The following NCKAP1 variants were observed in gnomAD, a reference collection of about 807,000 sequenced individuals.
The protein encoded by NCKAP1 is NCK associated protein 1, also known as nck-associated protein 1.
Under a neutral mutation model 151.2 loss-of-function variants are expected in NCKAP1, and 21 were observed. The ratio of observed to expected loss-of-function variants is 0.14; its 90% CI spans 0.10 to 0.20. The LOEUF (loss-of-function observed/expected upper bound fraction) is 0.20, where lower values mean the gene tolerates loss of function less well. Among genes scored for constraint, NCKAP1 ranks in the 10% least tolerant of loss-of-function variants. The pLI, the probability that NCKAP1 is intolerant of heterozygous loss-of-function variation, is 1.00. For synonymous variants in NCKAP1, 484 were observed against 451.8 expected (o/e 1.07, Z -0.90); for missense variants, 933 against 1,352.1 (o/e 0.69, Z 4.86).
At chr2:182,971,099 G>A (rs1174776251) in intron 15 of NCKAP1, among the ~76,000 whole-genome samples, 1 of 152,100 alleles carries the variant, frequency 6.6e-6, no homozygotes, top group Non-Finnish European at 1.5e-5. Flanking sequence ...GACACAAAGA[G>A]ATAAAAAGAT....
intron 16 of NCKAP1, among the ~76,000 whole-genome samples, chr2:182,966,242 T>C (rs760561160): frequency 5.3e-5 from 8 of 152,110 alleles, no homozygotes; most frequent in African/African-American, 1.2e-4. Flanking sequence ...TGATATTATA[T>C]AGCTTGAGGC....
chr2:182,943,872 CA>C (rs1009616236), intron 23 of NCKAP1, among the ~76,000 whole-genome samples: 1 of 152,098 alleles, frequency 6.6e-6, no homozygotes, highest in Non-Finnish European at 1.5e-5. Context: ...TGATATTCAA[CA>C]GTTAATTTGG....
At chr2:183,019,421 T>C (rs1698754482) in intron 2 of NCKAP1, among the ~76,000 whole-genome samples, 1 of 152,208 alleles carries the variant, frequency 6.6e-6, no homozygotes, top group Non-Finnish European at 1.5e-5. Context: ...TTTGCTTACA[T>C]TGCCTTTTAG....
At chr2:182,936,546 T>C (rs1416157664) in intron 24 of NCKAP1, among the ~76,000 whole-genome samples, 1 of 152,162 alleles carries the variant, frequency 6.6e-6, no homozygotes, top group African/African-American at 2.4e-5. Flanking sequence ...GAAAGAGATG[T>C]ATATACTACA....
In NCKAP1 at chr2:182,931,233, GTT is replaced by G. The variant is rs906237963; in HGVS notation, c.2860-447_2860-446del. 6.6e-5 allele frequency among the ~76,000 whole-genome samples: 10 copies of G among 152,010 alleles called. No individual in the cohort carries two copies. The East Asian group carries it at 1.9e-3, about 29-fold the overall frequency. On this transcript the variant is annotated intron_variant, in intron 26 of 30. Coordinates refer to ENST00000361354, the MANE Select transcript of NCKAP1 (RefSeq NM_013436.5). ...TAAATATAGCAAATTACTTATAATA[GTT>G]TTTTTAAGGAGTATTCATTTAAAAA...
chr2:182,932,309 T>C (rs1220596828), intron 26 of NCKAP1, among the ~76,000 whole-genome samples: 2 of 152,226 alleles, frequency 1.3e-5, no homozygotes, highest in East Asian at 1.9e-4. Flanking sequence ...AGTACTGATA[T>C]ATGCTGTAAT....
At chr2:182,969,958 T>C (rs896640865) in intron 15 of NCKAP1, among the ~76,000 whole-genome samples, 1 of 151,860 alleles carries the variant, frequency 6.6e-6, no homozygotes, top group African/African-American at 2.4e-5. Context: ...TTACAACTGA[T>C]ACCAAAAACT....
In NCKAP1 at chr2:182,998,738, G is replaced by T. The variant is rs141673238; in HGVS notation, c.604-2900C>A. Among the ~76,000 whole-genome samples, 473 of 150,878 alleles carry T rather than the reference G, an allele frequency of 3.1e-3. 3 individuals are homozygous for T. The highest frequency in any genetic ancestry group is 0.011 in the African/African-American group (451 of 41,054). On this transcript the variant is annotated intron_variant, in intron 6 of 30. Transcript: ENST00000361354. ...CCAGCTACTGAGGGGGCAAAGGCAG[G>T]AGAATTGCTTGAACCCAGGAGGTGG... is the stretch of plus-strand genomic sequence containing the variant.
At position 183,038,417 on chromosome 2, in the gene NCKAP1, T is replaced by TGGCGGCGGCGGC. The variant is rs879318735; in HGVS notation, c.-330_-319dup. 2.2e-4 allele frequency: 45 copies of TGGCGGCGGCGGC among 206,318 alleles called. No individual in the cohort carries two copies. Among genetic ancestry groups the TGGCGGCGGCGGC allele is most frequent in the African/African-American group, 3.1e-4 (13 of 42,552 alleles). The allele number at this position is 206,318 out of a possible 1,614,324, so 12.8% of individuals were successfully genotyped here. A position where few individuals can be genotyped will look rare whatever the true frequency, so the allele number is the denominator to read the frequency against. On this transcript the variant is annotated 5_prime_UTR_variant, in exon 1 of 31. Coordinates refer to ENST00000361354, the MANE Select transcript of NCKAP1 (RefSeq NM_013436.5). ...CCTTCCCCGGCTGCTCCACTAGGTG[T>TGGCGGCGGCGGC]GGCGGCGGCGGCGGCGGCGGCGGCG... is the stretch of plus-strand genomic sequence containing the variant.
intron 14 of NCKAP1, among the ~76,000 whole-genome samples, chr2:182,977,214 A>G (rs1697841777): frequency 6.6e-6 from 1 of 152,064 alleles, no homozygotes; most frequent in Admixed American, 6.6e-5. Flanking sequence ...GGAGGCCGGG[A>G]GCAGTGTCTC....
chr2:182,944,859 T>C (rs1424630337), intron 23 of NCKAP1, among the ~76,000 whole-genome samples: 1 of 152,164 alleles, frequency 6.6e-6, no homozygotes, highest in African/African-American at 2.4e-5. Flanking sequence ...CCTAGCACTT[T>C]GGGAGGCCAA....
intron 23 of NCKAP1, among the ~76,000 whole-genome samples, chr2:182,945,670 G>T (rs1697089242): frequency 6.6e-6 from 1 of 152,184 alleles, no homozygotes; most frequent in East Asian, 1.9e-4. Context: ...TGGTGAGGTT[G>T]CAGAGAAAAA....
rs559003622 is a variant in NCKAP1, at chr2:182,909,498, A to C, written c.*16204T>G. On this transcript the variant is annotated 3_prime_UTR_variant, in exon 31 of 31. Coordinates refer to ENST00000361354, the MANE Select transcript of NCKAP1 (RefSeq NM_013436.5). ...TTCACTCAGCATAATTAATGTCTTC[A>C]AGGTTCATTCATATTGTCTCATGTG... 3 of 152,288 alleles carry C rather than the reference A, an allele frequency of 2.0e-5. No homozygotes were observed. Among genetic ancestry groups the C allele is most frequent in the African/African-American group, 7.2e-5 (3 of 41,568 alleles). The allele number at this position is 152,288 out of a possible 1,614,324, so 9.4% of individuals were successfully genotyped here. A position where few individuals can be genotyped will look rare whatever the true frequency, so the allele number is the denominator to read the frequency against.
chr2:182,994,093 C>T (rs546187697), intron 8 of NCKAP1, among the ~76,000 whole-genome samples: 4 of 152,276 alleles, frequency 2.6e-5, no homozygotes, highest in African/African-American at 9.6e-5. Flanking sequence ...GTACTTTTAT[C>T]TCCTGTGCAT....
At chr2:182,975,239 A>G (rs902508160) in intron 15 of NCKAP1, among the ~76,000 whole-genome samples, 1 of 152,200 alleles carries the variant, frequency 6.6e-6, no homozygotes, top group African/African-American at 2.4e-5. Context: ...TTTATTTGTA[A>G]TAAGAAAATA....
chr2:182,935,247 A>T, intron 25 of NCKAP1, 46 bp downstream of exon 25: 1 of 1,254,972 alleles, frequency 8.0e-7, no homozygotes, highest in Non-Finnish European at 1.1e-6. Context: ...GAGAAATTAA[A>T]AGGGATTGTT....
At chr2:182,990,393 T>C (rs1311956343) in intron 8 of NCKAP1, among the ~76,000 whole-genome samples, 1 of 152,176 alleles carries the variant, frequency 6.6e-6, no homozygotes, top group African/African-American at 2.4e-5. Flanking sequence ...TAAAATACTA[T>C]TAAAGTAATA....
chr2:182,941,254 A>G (rs955623584), intron 24 of NCKAP1, among the ~76,000 whole-genome samples: 6 of 152,242 alleles, frequency 3.9e-5, no homozygotes, highest in East Asian at 1.9e-4. Context: ...CATTAGATCA[A>G]GTATATCTAA....
Position 182,919,072 on chromosome 2 carries a change from G to C in NCKAP1, c.*6630C>G, listed in dbSNP as rs981448570. 1 of 152,188 alleles carries C rather than the reference G, an allele frequency of 6.6e-6. No homozygotes were observed. Among genetic ancestry groups the C allele is most frequent in the Non-Finnish European group, 1.5e-5 (1 of 68,016 alleles). The allele number at this position is 152,188 out of a possible 1,614,324, so 9.4% of individuals were successfully genotyped here. On this transcript the variant is annotated 3_prime_UTR_variant, in exon 31 of 31. Transcript: ENST00000361354. ...TATAGGATTACTGTGAAGACTAAAA[G>C]AGCAATATTTAGAGGTTTGAATTAG...
Sources: allele counts gnomAD v4.1 joint callset (sites outside exome capture counted in the v4.1 genomes callset), GRCh38; gene constraint gnomAD v4.1.1; transcripts MANE v1.5; gene names NCBI Gene and HGNC (gene_info 2026-07-23, HGNC 2026-07-21).